Variants in RYR3 observed in about 807,000 individuals in gnomAD.
RYR3 encodes the protein ryanodine receptor 3.
Under a neutral mutation model 584.3 loss-of-function variants are expected in RYR3, and 207 were observed. The ratio of observed to expected loss-of-function variants is 0.35; its 90% CI spans 0.32 to 0.40. RYR3 has a LOEUF of 0.40. RYR3 is among the 10% of genes least tolerant of loss of function. RYR3 has a pLI of 1.00. For synonymous variants in RYR3, 2,416 were observed against 2,248.5 expected (o/e 1.07, Z -2.11); for missense variants, 5,616 against 6,089.2 (o/e 0.92, Z 2.59).
chr15:33,681,344 C>A (rs562138583), intron 38 of RYR3, among the ~76,000 whole-genome samples: 189 of 152,306 alleles, frequency 1.2e-3, no homozygotes, highest in African/African-American at 4.4e-3. Context: ...TTACCTCTTA[C>A]GGTTCTGGAG....
In RYR3 at chr15:33,746,074, A is replaced by G. The variant is rs748684520; in HGVS notation, c.7906A>G (p.Ser2636Gly). 6.3e-7 allele frequency: 1 copy of G among 1,591,178 alleles called. No individual in the cohort carries two copies. Among genetic ancestry groups the G allele is most frequent in the Non-Finnish European group, 8.6e-7 (1 of 1,167,508 alleles). Residue 2636 changes from serine (S) to glycine (G), a missense_variant, in exon 53 of 104, where the codon AGT becomes GGT. Coordinates refer to ENST00000634891, the MANE Select transcript of RYR3 (RefSeq NM_001036.6). ...HDKWACDKSQ[S>G]GWKYGISLDE... ...ACTGAGAACATTTCTACAGAGTCAG[A>G]GTGGATGGAAATATGGGATTTCCCT... is the stretch of plus-strand genomic sequence containing the variant.
intron 45 of RYR3, among the ~76,000 whole-genome samples, chr15:33,725,966 T>TTCCCCCCC (rs1266306060): frequency 1.9e-4 from 3 of 15,742 alleles, no homozygotes; most frequent in Admixed American, 1.1e-3. Context: ...CAAGACTCCA[T>TTCCCCCCC]CCCCCCCCCC....
chr15:33,661,296 AG>A (rs1253336359), intron 34 of RYR3, among the ~76,000 whole-genome samples: 2 of 152,224 alleles, frequency 1.3e-5, no homozygotes, highest in East Asian at 3.8e-4. Context: ...CAGACCTCTA[AG>A]TCAAGAAAGA....
At chr15:33,375,637 CCCAG>C (rs1292375767) in intron 1 of RYR3, among the ~76,000 whole-genome samples, 1 of 152,098 alleles carries the variant, frequency 6.6e-6, no homozygotes, top group Non-Finnish European at 1.5e-5. Context: ...TCAGAGCAAG[CCCAG>C]ATTCAAGGCA....
chr15:33,523,550 A>C (rs1000868572), intron 3 of RYR3, among the ~76,000 whole-genome samples: 3 of 152,056 alleles, frequency 2.0e-5, no homozygotes, highest in African/African-American at 7.2e-5. Flanking sequence ...TTCCGGACAC[A>C]CTATCTGTCC....
At chr15:33,445,047 A>G (rs1368874094) in intron 1 of RYR3, among the ~76,000 whole-genome samples, 2 of 152,220 alleles carry the variant, frequency 1.3e-5, no homozygotes, top group Non-Finnish European at 2.9e-5. Flanking sequence ...AAAGGACACT[A>G]TCAAAGGATA....
chr15:33,705,756 T>C (rs1482073790), intron 42 of RYR3, among the ~76,000 whole-genome samples: 1 of 152,182 alleles, frequency 6.6e-6, no homozygotes, highest in African/African-American at 2.4e-5. Context: ...GCTTTTGACT[T>C]TGGACAGCTG....
chr15:33,821,334 C>T lies in RYR3; in HGVS notation c.10880C>T (p.Ala3627Val), dbSNP rs755777324. 14 of 1,604,808 alleles carry T rather than the reference C, an allele frequency of 8.7e-6. No homozygotes were observed. In the East Asian group the frequency reaches 2.5e-4, roughly 28 times the overall value. The change falls in exon 79 of 104, where the codon GCA becomes GTA. Residue 3627 changes from alanine to valine, a missense_variant. By Grantham distance (64) the Ala-to-Val change is moderately conservative. Transcript: ENST00000634891. ...GCTCGGCTGCATGAGCGTGGTGCTG[C>T]AGAGATGGTCCTTCAGATGATAAGC... ...QQARLHERGA[A>V]EMVLQMISAS...
chr15:33,603,442 C>G, intron 18 of RYR3, 78 bp downstream of exon 18: 1 of 1,423,430 alleles, frequency 7.0e-7, no homozygotes, highest in Non-Finnish European at 9.5e-7. Context: ...CTGAAATGAC[C>G]ACTTCCATTT....
intron 9 of RYR3, among the ~76,000 whole-genome samples, chr15:33,549,351 T>A (rs948480263): frequency 5.3e-5 from 8 of 152,248 alleles, no homozygotes; most frequent in Admixed American, 4.6e-4. Context: ...CAATGCGATT[T>A]GGATTTATTG....
At chr15:33,673,817 TATCTC>T (rs1393760114) in intron 38 of RYR3, among the ~76,000 whole-genome samples, 1 of 152,252 alleles carries the variant, frequency 6.6e-6, no homozygotes, top group Non-Finnish European at 1.5e-5. Flanking sequence ...GCTGGCATCT[TATCTC>T]TATGCTTAGA....
chr15:33,688,865 C>G (rs9796569), intron 38 of RYR3, among the ~76,000 whole-genome samples: 1 of 151,782 alleles, frequency 6.6e-6, no homozygotes, highest in Non-Finnish European at 1.5e-5. Flanking sequence ...TCCGGCAATC[C>G]CATTACTGGG....
intron 43 of RYR3, among the ~76,000 whole-genome samples, chr15:33,718,313 C>G (rs1329203178): frequency 6.6e-6 from 1 of 152,176 alleles, no homozygotes; most frequent in African/African-American, 2.4e-5. Context: ...TCCAGTCATT[C>G]CAAGTCTCTG....
chr15:33,864,231 T>A, intron 103 of RYR3, 42 bp downstream of exon 103: 2 of 1,511,178 alleles, frequency 1.3e-6, no homozygotes, highest in Non-Finnish European at 1.8e-6. Flanking sequence ...GATCTCCCTT[T>A]CCTAAATCTT....
chr15:33,838,462 C>T lies in RYR3; in HGVS notation c.12482C>T (p.Thr4161Ile), dbSNP rs772124153. ...RNVTDFLKRA[T>I]LKNLRKQYRN... is the part of the protein sequence containing the mutation. Reference sequence around the variant, plus strand: ...GTCACCGACTTCCTGAAGAGAGCAACCCTGAAGAACCTCAGGAAGCAGTAC... The same window carrying T: ...GTCACCGACTTCCTGAAGAGAGCAATCCTGAAGAACCTCAGGAAGCAGTAC... Residue 4161 changes from threonine to isoleucine, a missense_variant, in exon 89 of 104, where the codon ACC becomes ATC. Physicochemically the swap from Thr to Ile is moderately conservative, Grantham distance 89. Coordinates refer to ENST00000634891, the MANE Select transcript of RYR3 (RefSeq NM_001036.6). The T allele has an allele frequency of 6.2e-7, 1 of 1,613,982 alleles. No individual in the cohort carries two copies. Among genetic ancestry groups the T allele is most frequent in the African/African-American group, 1.3e-5 (1 of 75,038 alleles).
intron 67 of RYR3, among the ~76,000 whole-genome samples, chr15:33,793,429 C>T (rs2075280113): frequency 6.6e-6 from 1 of 152,178 alleles, no homozygotes; most frequent in African/African-American, 2.4e-5. Context: ...TTACCATGTG[C>T]TTGGTCTTTC....
intron 99 of RYR3, chr15:33,858,198 G>C (rs1452270145): frequency 2.8e-6 from 1 of 351,900 alleles, no homozygotes; most frequent in Non-Finnish European, 5.2e-6. Context: ...CCGGGGTAAA[G>C]ATGAGACATT....
rs575470669 is a variant in RYR3 at position 33,761,561 on chromosome 15, T to A, written c.8705+3965T>A. Among the ~76,000 whole-genome samples the A allele has an allele frequency of 3.0e-4, 45 of 152,210 alleles. No individual in the cohort carries two copies. The Middle Eastern group carries it at 0.01, about 35-fold the overall frequency. ...CTCCCAAGACTAAACCAGGAAGAAG[T>A]CGAATCCCTGAATAGACCAATAACA... On this transcript the variant is annotated intron_variant, in intron 60 of 103. Coordinates refer to ENST00000634891, the MANE Select transcript of RYR3 (RefSeq NM_001036.6).
intron 5 of RYR3, among the ~76,000 whole-genome samples, chr15:33,534,125 G>A (rs1595481222): frequency 2.0e-5 from 3 of 152,208 alleles, no homozygotes; most frequent in African/African-American, 4.8e-5. Flanking sequence ...AATGGGCCGG[G>A]CACGGTGGCT....
Sources: allele counts gnomAD v4.1 joint callset (sites outside exome capture counted in the v4.1 genomes callset), GRCh38; gene constraint gnomAD v4.1.1; transcripts MANE v1.5; gene names NCBI Gene and HGNC (gene_info 2026-07-23, HGNC 2026-07-21).